ZNF236: variants seen among roughly 807,000 people sequenced by gnomAD.
ZNF236 encodes regulated by glucose.
In ZNF236, 50 loss-of-function variants were observed where a neutral mutation model predicts 191.2. The ratio of observed to expected loss-of-function variants is 0.26; its 90% CI spans 0.21 to 0.33. ZNF236 has a LOEUF of 0.33. ZNF236 is among the 10% of genes least tolerant of loss of function. ZNF236 has a pLI of 1.00. For missense variants in ZNF236, 1,754 were observed against 2,374.5 expected (o/e 0.74, Z 5.43); for synonymous variants, 907 against 928.8 (o/e 0.98, Z 0.43).
At chr18:76,892,756 G>T (rs1449394339) in intron 9 of ZNF236, among the ~76,000 whole-genome samples, 1 of 152,092 alleles carries the variant, frequency 6.6e-6, no homozygotes, top group Non-Finnish European at 1.5e-5. Context: ...TAGTAGAGAC[G>T]GGGTTTCTCC....
intron 30 of ZNF236, among the ~76,000 whole-genome samples, chr18:76,962,885 T>C (rs1445384004): frequency 1.3e-5 from 2 of 152,234 alleles, no homozygotes; most frequent in Non-Finnish European, 2.9e-5. Context: ...GCTTGGTTGC[T>C]GTTGGTGTAT....
At chr18:76,940,116 A>G (rs571710691) in intron 26 of ZNF236, among the ~76,000 whole-genome samples, 4 of 139,770 alleles carry the variant, frequency 2.9e-5, no homozygotes, top group African/African-American at 8.2e-5. Context: ...ATTTGGGAAC[A>G]CGGTGGGCTA....
intron 21 of ZNF236, among the ~76,000 whole-genome samples, chr18:76,923,473 A>C (rs1051872074): frequency 6.6e-6 from 1 of 152,276 alleles, no homozygotes; most frequent in Admixed American, 6.5e-5. Context: ...GTCTCATTTA[A>C]GCCAAAGAGG....
At chr18:76,898,049 T>G (rs1977486584) in intron 10 of ZNF236, 1 of 152,180 alleles carries the variant, frequency 6.6e-6, no homozygotes, top group South Asian at 2.1e-4. Flanking sequence ...TCTGTCCGGA[T>G]CAGATTTGGA....
chr18:76,838,905 G>A (rs1975407637), intron 1 of ZNF236, among the ~76,000 whole-genome samples: 1 of 152,142 alleles, frequency 6.6e-6, no homozygotes, highest in Non-Finnish European at 1.5e-5. Context: ...TCCTTGTTGC[G>A]ACTAGCCACT....
chr18:76,900,517 A>G (rs1568219956), intron 11 of ZNF236, among the ~76,000 whole-genome samples: 1 of 152,154 alleles, frequency 6.6e-6, no homozygotes, highest in African/African-American at 2.4e-5. Flanking sequence ...ATTTCAATAA[A>G]TTTTCAGAAG....
rs1272709592 is a variant in ZNF236 at position 76,969,811 on chromosome 18, C to G, written c.*1472C>G. The G allele has an allele frequency of 6.6e-6, 1 of 152,358 alleles. No homozygotes were observed. Among genetic ancestry groups the G allele is most frequent in the Non-Finnish European group, 1.5e-5 (1 of 67,978 alleles). The allele number at this position is 152,358 out of a possible 1,614,324, so 9.4% of individuals were successfully genotyped here. On this transcript the variant is annotated 3_prime_UTR_variant, in exon 31 of 31. Coordinates refer to ENST00000320610, the MANE Select transcript of ZNF236 (RefSeq NM_001306089.2). Reference sequence around the variant, plus strand: ...TTTTGATTTTTTTGTTGTTGTTGTTCACTTTTGGCATATGTATATAAGTAA... The same window carrying G: ...TTTTGATTTTTTTGTTGTTGTTGTTGACTTTTGGCATATGTATATAAGTAA...
intron 22 of ZNF236, among the ~76,000 whole-genome samples, chr18:76,926,733 G>T: frequency 6.4e-5 from 1 of 15,628 alleles, no homozygotes; most frequent in African/African-American, 2.4e-4. Flanking sequence ...TAGACCATGT[G>T]TGTGTATGGT....
intron 30 of ZNF236, among the ~76,000 whole-genome samples, chr18:76,966,567 C>G (rs1968782267): frequency 6.6e-6 from 1 of 152,102 alleles, no homozygotes; most frequent in Non-Finnish European, 1.5e-5. Flanking sequence ...CACATCATGT[C>G]TGGAAGCCCC....
chr18:76,836,531 A>T (rs969772497), intron 1 of ZNF236, among the ~76,000 whole-genome samples: 2 of 151,804 alleles, frequency 1.3e-5, no homozygotes, highest in South Asian at 2.1e-4. Context: ...CTCCTTCTTG[A>T]TAGTGCCCTT....
At chr18:76,896,602 G>A (rs1282013075) in intron 10 of ZNF236, among the ~76,000 whole-genome samples, 7 of 145,910 alleles carry the variant, frequency 4.8e-5, no homozygotes, top group East Asian at 4.2e-4. Flanking sequence ...CACACAGTAC[G>A]AAACAGTACT....
intron 27 of ZNF236, among the ~76,000 whole-genome samples, chr18:76,953,793 C>A (rs910104712): frequency 1.3e-5 from 2 of 152,180 alleles, no homozygotes; most frequent in Non-Finnish European, 2.9e-5. Flanking sequence ...TAAGTTCCTG[C>A]CAGTGCCGGC....
intron 26 of ZNF236, among the ~76,000 whole-genome samples, chr18:76,944,630 A>G (rs1276492153): frequency 6.6e-6 from 1 of 152,016 alleles, no homozygotes; most frequent in African/African-American, 2.4e-5. Context: ...AAATTACAAC[A>G]AATTAGCTGG....
At chr18:76,924,946 C>G (rs1967633586) in intron 21 of ZNF236, among the ~76,000 whole-genome samples, 2 of 152,212 alleles carry the variant, frequency 1.3e-5, no homozygotes, top group African/African-American at 4.8e-5. Flanking sequence ...TTTAGAAACA[C>G]TGTAAACCTC....
chr18:76,894,785 C>A lies in ZNF236; in HGVS notation c.1418-228C>A, dbSNP rs551563675. ...GCCGCTGGACCTACCGAATCAATCA[C>A]CCTGTCAGTGGGCGCTCTTTTTCAG... On this transcript the variant is annotated intron_variant, in intron 9 of 30. Transcript: ENST00000320610. 8.5e-4 allele frequency among the ~76,000 whole-genome samples: 129 copies of A among 152,312 alleles called. 3 individuals carry two copies. In the South Asian group the frequency reaches 0.026, roughly 31 times the overall value.
intron 10 of ZNF236, among the ~76,000 whole-genome samples, chr18:76,896,386 G>A (rs1431482394): frequency 6.6e-6 from 1 of 150,876 alleles, no homozygotes; most frequent in Non-Finnish European, 1.5e-5. Context: ...ACCAAACTCA[G>A]TATCGAACAC....
Position 76,895,376 on chromosome 18 carries a change from A to G in ZNF236, c.1690+91A>G. ...TATACCAAACACAGGTATGGCACACAGTAGGCACACAGGTACTGCACACAA... is the reference window on the plus strand; with the variant it reads ...TATACCAAACACAGGTATGGCACACGGTAGGCACACAGGTACTGCACACAA... On this transcript the variant is annotated intron_variant, in intron 10 of 30. Coordinates refer to ENST00000320610, the MANE Select transcript of ZNF236 (RefSeq NM_001306089.2). 4.0e-6 allele frequency: 6 copies of G among 1,517,132 alleles called. No homozygotes were observed. In the South Asian group the frequency reaches 6.1e-5, roughly 15 times the overall value. 94.0% of individuals were successfully genotyped at this position (1,517,132 alleles called of 1,614,324 possible).
Position 76,927,328 on chromosome 18 carries a change from C to T in ZNF236, c.4225C>T (p.Gln1409Ter). ...QTLQQGNLLA[Q>*]QLTGEPGLAP... is the part of the protein sequence containing the mutation. ...GCTACAGCAGGGCAACCTATTGGCT[C>T]AGCAGCTCACGGGGGAGCCTGGCCT... Residue 1409 changes from glutamine to a stop codon, truncating the protein, a stop_gained, in exon 24 of 31, where the codon CAG becomes TAG. Coordinates refer to ENST00000320610, the MANE Select transcript of ZNF236 (RefSeq NM_001306089.2). LOFTEE classifies it high-confidence loss of function. The surrounding 1 kb of genome is among the most constrained non-coding windows in gnomAD (Gnocchi z 5.4). 6.2e-7 allele frequency: 1 copy of T among 1,614,176 alleles called. No homozygotes were observed. Among genetic ancestry groups the T allele is most frequent in the Non-Finnish European group, 8.5e-7 (1 of 1,180,040 alleles).
At chr18:76,851,561 T>A (rs1193332370) in intron 2 of ZNF236, among the ~76,000 whole-genome samples, 1 of 152,266 alleles carries the variant, frequency 6.6e-6, no homozygotes, top group Non-Finnish European at 1.5e-5. Flanking sequence ...CTTTTGTGTA[T>A]GTATGTGTTT....
Sources: allele counts gnomAD v4.1 joint callset (sites outside exome capture counted in the v4.1 genomes callset), GRCh38; gene constraint gnomAD v4.1.1; non-coding constraint Gnocchi (gnomAD v3.1); transcripts MANE v1.5; gene names NCBI Gene and HGNC (gene_info 2026-07-23, HGNC 2026-07-21).